THG1L: variants seen among roughly 807,000 people sequenced by gnomAD.
The protein encoded by THG1L is probable tRNA(His) guanylyltransferase.
Under a neutral mutation model 35.2 loss-of-function variants are expected in THG1L, and 27 were observed. The ratio of observed to expected loss-of-function variants is 0.77; its 90% confidence interval spans 0.57 to 1.06. THG1L has a LOEUF of 1.06. Among genes scored for constraint, THG1L ranks in the 50% least tolerant of loss-of-function variants. The pLI, the probability that THG1L is intolerant of heterozygous loss-of-function variation, is 0.00. For missense variants in THG1L, 377 were observed against 371.8 expected, an observed-to-expected ratio of 1.01 and a Z score of -0.12; for synonymous variants, 135 against 132.4, an observed-to-expected ratio of 1.02 and a Z score of -0.14.
Position 157,732,738 on chromosome 5 carries a change from C to G in THG1L, c.192-130C>G, listed in dbSNP as rs1760761798. On this transcript the variant is annotated intron_variant, in intron 1 of 5. Coordinates refer to ENST00000231198, the MANE Select transcript of THG1L (RefSeq NM_017872.5). ...CTTAAGAAAATGGATCAGGTTGTGG[C>G]TAGTTGAGCATTTGAGTTCACAGTG... The G allele has an allele frequency of 5.6e-6, 6 of 1,062,988 alleles. No homozygotes were observed. The Admixed American group carries it at 1.3e-4, about 22-fold the overall frequency. The allele number at this position is 1,062,988 out of a possible 1,614,324, so 65.8% of individuals were successfully genotyped here.
Position 157,737,882 on chromosome 5 carries a change from C to G in THG1L, c.628-5C>G. On this transcript the variant is annotated splice_region_variant and splice_polypyrimidine_tract_variant and intron_variant, in intron 4 of 5. Transcript: ENST00000231198. ...AGCTTTTAATATCTATTTTTATTTTCTCAGGGAACTCTTGCAGCAGACAAG... is the reference window on the plus strand; with the variant it reads ...AGCTTTTAATATCTATTTTTATTTTGTCAGGGAACTCTTGCAGCAGACAAG... 6.2e-7 allele frequency: 1 copy of G among 1,609,324 alleles called. No homozygotes were observed. The highest frequency in any genetic ancestry group is 8.5e-7 in the Non-Finnish European group (1 of 1,178,034).
At chr5:157,733,808 CA>C (rs1191373851) in intron 2 of THG1L, among the ~76,000 whole-genome samples, 1 of 151,794 alleles carries the variant, frequency 6.6e-6, no homozygotes, top group Non-Finnish European at 1.5e-5. Context: ...CTCATCTCTA[CA>C]AAAAATTTAA....
At chr5:157,731,675 C>T (rs1561610144) in intron 1 of THG1L, 44 bp downstream of exon 1, 21 of 1,561,790 alleles carry the variant, frequency 1.3e-5, no homozygotes, top group South Asian at 2.4e-5. Flanking sequence ...CCAGCGCTTC[C>T]GGGGAATCCA....
In THG1L at chr5:157,731,522, G is replaced by T. The variant is rs1760715523; in HGVS notation, c.82G>T (p.Ala28Ser). 6.2e-7 allele frequency: 1 copy of T among 1,613,000 alleles called. No homozygotes were observed. The highest frequency in any genetic ancestry group is 1.7e-5 in the Admixed American group (1 of 59,840). ...TCTGAGACGGTACCTGAGATTGGGG[G>T]CGACCATGGCAAAAAGCAAGTTCGA... ...ITLRRYLRLG[A>S]TMAKSKFEYV... The change falls in exon 1 of 6, where the codon GCG becomes TCG. Residue 28 changes from alanine to serine, a missense_variant. Coordinates refer to ENST00000231198, the MANE Select transcript of THG1L (RefSeq NM_017872.5).
chr5:157,733,156 A>G, intron 2 of THG1L, 112 bp downstream of exon 2: 1 of 1,203,284 alleles, frequency 8.3e-7, no homozygotes, highest in African/African-American at 1.5e-5. Flanking sequence ...AGTATTTGTA[A>G]CTGCAGAGTA....
Position 157,740,987 on chromosome 5 carries a change from C to G in THG1L, c.*1505C>G, listed in dbSNP as rs745388235. 2.6e-5 allele frequency: 4 copies of G among 151,838 alleles called. No individual in the cohort carries two copies. The highest frequency in any genetic ancestry group is 5.9e-5 in the Non-Finnish European group (4 of 68,134). 9.4% of individuals were successfully genotyped at this position (151,838 alleles called of 1,614,324 possible). A position where few individuals can be genotyped will look rare whatever the true frequency, so the allele number is the denominator to read the frequency against. ...TTGGGGGGCTGAGGCAGGTAGATCA[C>G]TTCAGGCCAGGAGTCCAAGACCAGC... On this transcript the variant is annotated 3_prime_UTR_variant, in exon 6 of 6. Transcript: ENST00000231198.
chr5:157,731,615 G>A lies in THG1L; in HGVS notation c.175G>A (p.Gly59Ser). Residue 59 changes from glycine (G) to serine (S), a missense_variant, in exon 1 of 6, where the codon GGC becomes AGC. Physicochemically the swap from Gly to Ser is moderately conservative, Grantham distance 56. Transcript: ENST00000231198. ...CTGCTGGGTGGTAGTGCGGCTGGAC[G>A]GCCGGAATTTCCATCGGTGAGCGAG... ...AHCWVVVRLD[G>S]RNFHRFAEKH... 2 of 1,596,314 alleles carry A rather than the reference G, an allele frequency of 1.3e-6. No individual in the cohort carries two copies. The highest frequency in any genetic ancestry group is 1.1e-5 in the South Asian group (1 of 88,872).
intron 2 of THG1L, among the ~76,000 whole-genome samples, chr5:157,733,523 GTC>G (rs1760787131): frequency 6.6e-6 from 1 of 152,050 alleles, no homozygotes; most frequent in African/African-American, 2.4e-5. Context: ...TAGAGGTGGG[GTC>G]TCTCTGTGTT....
At chr5:157,734,428 G>A in intron 2 of THG1L, 148 bp from the exon 3 acceptor site, 1 of 891,870 alleles carries the variant, frequency 1.1e-6, no homozygotes, top group Non-Finnish European at 1.7e-6. Flanking sequence ...TATTAAAATA[G>A]TGTTTCTTAG....
At chr5:157,732,230 AAAAAAAAAAAAAAAGAG>A (rs1204760376) in intron 1 of THG1L, among the ~76,000 whole-genome samples, 3 of 129,124 alleles carry the variant, frequency 2.3e-5, no homozygotes, top group African/African-American at 1.0e-4. Context: ...AAAAAAAAAA[AAAAAAAAAAAAAAAGAG>A]AGAGAGAGAG....
At chr5:157,738,039 A>G in intron 5 of THG1L, 45 bp downstream of exon 5, 7 of 1,504,740 alleles carry the variant, frequency 4.7e-6, no homozygotes, top group Non-Finnish European at 6.4e-6. Flanking sequence ...AGGAAAAAAG[A>G]TAGCCTGTGC....
In THG1L at chr5:157,739,536, CA is replaced by C; in HGVS notation, c.*55del. The stretch of plus-strand genomic sequence containing the variant: ...TAACCATGCAAGCCCTCCCACCTCC[CA>C]GGGCTCCTTGCCTTAGGTGGCTGTA... On this transcript the variant is annotated 3_prime_UTR_variant, in exon 6 of 6. Transcript: ENST00000231198. 1 of 1,559,960 alleles carries C rather than the reference CA, an allele frequency of 6.4e-7. No homozygotes were observed. Among genetic ancestry groups the C allele is most frequent in the Non-Finnish European group, 8.7e-7 (1 of 1,151,502 alleles).
chr5:157,733,086 C>G (rs1760772582), intron 2 of THG1L, 42 bp downstream of exon 2: 2 of 1,600,448 alleles, frequency 1.2e-6, no homozygotes, highest in African/African-American at 1.3e-5. Context: ...ATATTTCCTC[C>G]CAGCATCTGG....
At chr5:157,732,741 G>A (rs1581437681) in intron 1 of THG1L, 127 bp from the exon 2 acceptor site, 70 of 1,113,966 alleles carry the variant, frequency 6.3e-5, no homozygotes. Context: ...GTTGTGGCTA[G>A]TTGAGCATTT....
chr5:157,735,138 A>G (rs567578755), intron 3 of THG1L, among the ~76,000 whole-genome samples: 1 of 151,938 alleles, frequency 6.6e-6, no homozygotes, highest in African/African-American at 2.4e-5. Context: ...GGGTTTCTCC[A>G]TGTTGGTCAG....
At position 157,734,631 on chromosome 5, in the gene THG1L, C is replaced by CGGG. The variant is rs1760821312; in HGVS notation, c.425_427dup (p.Arg142_Asp143insGly). 21 of 1,614,106 alleles carry CGGG rather than the reference C, an allele frequency of 1.3e-5. No individual in the cohort carries two copies. Among genetic ancestry groups the CGGG allele is most frequent in the Non-Finnish European group, 1.7e-5 (20 of 1,180,002 alleles). On this transcript the variant is annotated inframe_insertion, in exon 3 of 6. Transcript: ENST00000231198. ...TGCCTCCAGCTATGTGTTTTATTGG[C>CGGG]GGGATTACTTTGAGGACCAGCCCCT...
chr5:157,738,449 A>G (rs1490976004), intron 5 of THG1L, among the ~76,000 whole-genome samples: 1 of 152,226 alleles, frequency 6.6e-6, no homozygotes, highest in Non-Finnish European at 1.5e-5. Flanking sequence ...GATTCCCTTG[A>G]CATTCATACT....
At chr5:157,732,371 C>CCTG (rs1437413044) in intron 1 of THG1L, among the ~76,000 whole-genome samples, 2 of 151,942 alleles carry the variant, frequency 1.3e-5, no homozygotes, top group Non-Finnish European at 2.9e-5. Flanking sequence ...ATCGCTTGAG[C>CCTG]CTGGGAGGTC....
Position 157,739,401 on chromosome 5 carries a change from A to T in THG1L, c.816A>T (p.Thr272=). The change falls in exon 6 of 6, where the codon ACA becomes ACT. Residue 272 remains threonine, a synonymous_variant. Transcript: ENST00000231198. The part of the protein sequence containing the change: ...GKKMAVTRTR[T]KPVPLHCDII... Reference sequence around the variant, plus strand: ...AGATGGCAGTGACCCGGACCAGGACAAAGCCAGTGCCCTTGCACTGCGATA... The same window carrying T: ...AGATGGCAGTGACCCGGACCAGGACTAAGCCAGTGCCCTTGCACTGCGATA... 6.2e-7 allele frequency: 1 copy of T among 1,614,026 alleles called. No individual in the cohort carries two copies. The highest frequency in any genetic ancestry group is 8.5e-7 in the Non-Finnish European group (1 of 1,179,942).
Sources: gnomAD v4.1 joint callset for allele counts (sites outside exome capture counted in the v4.1 genomes callset) on GRCh38, gnomAD v4.1.1 for gene constraint, MANE v1.5 for transcripts, NCBI Gene and HGNC (gene_info 2026-07-23, HGNC 2026-07-21) for gene names.